The following ALK variants were observed in gnomAD, a reference collection of about 807,000 sequenced individuals.
ALK encodes the protein ALK tyrosine kinase receptor.
ALK carries 74 observed loss-of-function variants against 163.1 expected under a neutral mutation model. The ratio of observed to expected loss-of-function variants is 0.45; its 90% CI spans 0.38 to 0.55. The LOEUF is 0.55. ALK is among the 20% of genes least tolerant of loss of function. The pLI, the probability that ALK is intolerant of heterozygous loss-of-function variation, is 0.00. For missense variants in ALK, 2,063 were observed against 2,105.3 expected (o/e 0.98, Z 0.39); for synonymous variants, 960 against 843.2 (o/e 1.14, Z -2.40).
intron 4 of ALK, among the ~76,000 whole-genome samples, chr2:29,384,975 AGG>A (rs1668994434): frequency 1.3e-5 from 2 of 152,032 alleles, no homozygotes; most frequent in Admixed American, 6.6e-5. Context: ...CACTTGAACC[AGG>A]GAGGTGGAGG....
chr2:29,885,856 A>G (rs989574670), intron 1 of ALK, among the ~76,000 whole-genome samples: 6 of 152,224 alleles, frequency 3.9e-5, no homozygotes, highest in Non-Finnish European at 8.8e-5. Flanking sequence ...TGGTGGAAGA[A>G]GAATTGATAT....
At chr2:29,730,043 A>G (rs958528522) in intron 1 of ALK, among the ~76,000 whole-genome samples, 4 of 152,208 alleles carry the variant, frequency 2.6e-5, no homozygotes, top group Non-Finnish European at 5.9e-5. Context: ...AAGTCGTCCT[A>G]TTAAACCACC....
At chr2:29,342,468 G>A (rs1158443674) in intron 5 of ALK, among the ~76,000 whole-genome samples, 1 of 152,164 alleles carries the variant, frequency 6.6e-6, no homozygotes, top group Non-Finnish European at 1.5e-5. Flanking sequence ...GCTGTTTAAT[G>A]GGTATGAAAT....
intron 5 of ALK, among the ~76,000 whole-genome samples, chr2:29,366,001 C>CTAGTGCTTT (rs145665709): frequency 0.011 from 1,675 of 152,294 alleles, 28 homozygotes; most frequent in African/African-American, 0.039. Flanking sequence ...TAGAGAGCCG[C>CTAGTGCTTT]TAGTGCTTTT....
rs574578421 is a variant in ALK at position 29,773,049 on chromosome 2, A to G, written c.668-55352T>C. Among the ~76,000 whole-genome samples, 201 of 152,344 alleles carry G rather than the reference A, an allele frequency of 1.3e-3. 1 individual carries two copies. Among genetic ancestry groups the G allele is most frequent in the Admixed American group, 1.9e-3 (29 of 15,296 alleles). On this transcript the variant is annotated intron_variant, in intron 1 of 28. Transcript: ENST00000389048. ...GTCAATGTAAACAAAAACACCAACCAACATTGATGTTGGAACTATACTCAT... is the reference window on the plus strand; with the variant it reads ...GTCAATGTAAACAAAAACACCAACCGACATTGATGTTGGAACTATACTCAT...
At chr2:29,815,506 C>A (rs1365344426) in intron 1 of ALK, among the ~76,000 whole-genome samples, 2 of 152,104 alleles carry the variant, frequency 1.3e-5, no homozygotes, top group Non-Finnish European at 2.9e-5. Flanking sequence ...CCCCTTCTTC[C>A]ACCAGTCCCT....
At chr2:29,354,887 C>T (rs1668208952) in intron 5 of ALK, among the ~76,000 whole-genome samples, 1 of 152,028 alleles carries the variant, frequency 6.6e-6, no homozygotes, top group African/African-American at 2.4e-5. Context: ...CTGCCTCAGC[C>T]TCCCAAGTAG....
chr2:29,263,140 C>T (rs899877542), intron 11 of ALK, among the ~76,000 whole-genome samples: 2 of 152,184 alleles, frequency 1.3e-5, no homozygotes, highest in African/African-American at 2.4e-5. Context: ...GGTTTAAATA[C>T]CAGCTCTGCC....
intron 3 of ALK, among the ~76,000 whole-genome samples, chr2:29,676,763 A>T (rs959289061): frequency 6.6e-6 from 1 of 152,084 alleles, no homozygotes; most frequent in Non-Finnish European, 1.5e-5. Context: ...GATATTTTCA[A>T]TTCCAAAATG....
At chr2:29,841,970 C>T (rs183681705) in intron 1 of ALK, among the ~76,000 whole-genome samples, 13 of 152,126 alleles carry the variant, frequency 8.5e-5, no homozygotes, top group Non-Finnish European at 1.3e-4. Flanking sequence ...TGAAAACTAA[C>T]GTTCCCTTCT....
intron 4 of ALK, among the ~76,000 whole-genome samples, chr2:29,453,845 T>C (rs1670883874): frequency 6.6e-6 from 1 of 152,138 alleles, no homozygotes; most frequent in South Asian, 2.1e-4. Flanking sequence ...GTTAAGGACC[T>C]CAGAGAAAAG....
chr2:29,430,032 CATATAAG>C (rs1670236491), intron 4 of ALK, among the ~76,000 whole-genome samples: 1 of 152,050 alleles, frequency 6.6e-6, no homozygotes, highest in Non-Finnish European at 1.5e-5. Context: ...ACCCCTACCT[CATATAAG>C]ATATAAAACT....
At chr2:29,750,573 AGATTGCTTGAGGTCAGGTT>A (rs1392649157) in intron 1 of ALK, among the ~76,000 whole-genome samples, 1 of 145,654 alleles carries the variant, frequency 6.9e-6, no homozygotes, top group Admixed American at 7.0e-5. Flanking sequence ...TGAAGTGGGA[AGATTGCTTGAGGTCAGGTT>A]GATTGCTTGA....
At chr2:29,389,456 G>C (rs1286805279) in intron 4 of ALK, among the ~76,000 whole-genome samples, 1 of 152,216 alleles carries the variant, frequency 6.6e-6, no homozygotes, top group Non-Finnish European at 1.5e-5. Flanking sequence ...TGGAGAACAG[G>C]TGGTCCAATC....
chr2:29,891,761 A>G (rs1667153792), intron 1 of ALK, among the ~76,000 whole-genome samples: 1 of 152,186 alleles, frequency 6.6e-6, no homozygotes, highest in African/African-American at 2.4e-5. Flanking sequence ...ACCCAAGCCT[A>G]GGAGCTGAAG....
At chr2:29,406,184 C>G (rs1669579996) in intron 4 of ALK, among the ~76,000 whole-genome samples, 2 of 152,200 alleles carry the variant, frequency 1.3e-5, no homozygotes, top group Admixed American at 6.5e-5. Context: ...AAGTCAACAC[C>G]TATTGTTCCC....
In ALK at chr2:29,920,972, G is replaced by A. The variant is rs72857540; in HGVS notation, c.-313C>T. ...CGCGCCCCCGTCTGTAGCTCGCTGCGCTCGGTACAGAGGAACTACTATGGT... is the reference window on the plus strand; with the variant it reads ...CGCGCCCCCGTCTGTAGCTCGCTGCACTCGGTACAGAGGAACTACTATGGT... On this transcript the variant is annotated 5_prime_UTR_variant, in exon 1 of 29. Transcript: ENST00000389048. 4.2e-6 allele frequency: 2 copies of A among 471,008 alleles called. No individual in the cohort carries two copies. The highest frequency in any genetic ancestry group is 2.7e-5 in the South Asian group (1 of 37,398). The allele number at this position is 471,008 out of a possible 1,614,324, so 29.2% of individuals were successfully genotyped here.
chr2:29,407,831 C>T (rs1669623109), intron 4 of ALK, among the ~76,000 whole-genome samples: 1 of 152,218 alleles, frequency 6.6e-6, no homozygotes, highest in Admixed American at 6.5e-5. Flanking sequence ...GGCCTAGCTG[C>T]TCATCGCATC....
At chr2:29,324,380 A>G (rs974672047) in intron 6 of ALK, among the ~76,000 whole-genome samples, 3 of 152,250 alleles carry the variant, frequency 2.0e-5, no homozygotes, top group Admixed American at 6.5e-5. Flanking sequence ...GAGTCATGGG[A>G]AAAATGCTAG....
Sources: gnomAD v4.1 joint callset for allele counts (sites outside exome capture counted in the v4.1 genomes callset) on GRCh38, gnomAD v4.1.1 for gene constraint, MANE v1.5 for transcripts, NCBI Gene and HGNC (gene_info 2026-07-23, HGNC 2026-07-21) for gene names.